TAF12: variants seen among roughly 807,000 people sequenced by gnomAD.
The protein encoded by TAF12 is TATA-box binding protein associated factor 12.
Under a neutral mutation model 20.8 loss-of-function variants are expected in TAF12, and 3 were observed. That is an observed-to-expected ratio of 0.14 (90% CI 0.07 to 0.37). The LOEUF is 0.37. TAF12 is among the 10% of genes least tolerant of loss of function. The pLI is 1.00. For synonymous variants in TAF12, 69 were observed against 70.2 expected, an observed-to-expected ratio of 0.98 and a Z score of 0.09; for missense variants, 131 against 197.9, an observed-to-expected ratio of 0.66 and a Z score of 2.03.
At chr1:28,646,696 ATTTTT>A (rs758006645), upstream of TAF12, among the ~76,000 whole-genome samples, 1 of 124,924 alleles carries the variant, frequency 8.0e-6, no homozygotes, top group Non-Finnish European at 1.7e-5. Flanking sequence ...CACTCGGCCA[ATTTTT>A]TTTTTTTTTT....
At chr1:28,632,912 G>A (rs1448234273) in intron 1 of TAF12, among the ~76,000 whole-genome samples, 2 of 151,942 alleles carry the variant, frequency 1.3e-5, no homozygotes, top group African/African-American at 4.8e-5. Flanking sequence ...TGCCCAAGCT[G>A]GAGTGCAATA....
chr1:28,605,425 A>G lies in TAF12; in HGVS notation c.397T>C (p.Ser133Pro). Residue 133 changes from serine (S) to proline (P), a missense_variant, in exon 5 of 6, where the codon TCT becomes CCT. This residue lies in a region of TAF12 where 60 missense variants were observed against 90.2 expected (regional missense o/e 0.66). Transcript: ENST00000373824. ...TTTTTGTAGGGTCGGATTTCTTCAG[A>G]GCCAAATCCTGGGATCCACATGTTC... Reference protein sequence around the residue: ...QWNMWIPGFGSEEIRPYKKAC... With the variant: ...QWNMWIPGFGPEEIRPYKKAC... 6.2e-7 allele frequency: 1 copy of G among 1,614,038 alleles called. No individual in the cohort carries two copies. Among genetic ancestry groups the G allele is most frequent in the Non-Finnish European group, 8.5e-7 (1 of 1,180,002 alleles).
At chr1:28,613,410 C>T (rs1345935933) in intron 3 of TAF12, 49 bp from the exon 4 acceptor site, 9 of 1,495,968 alleles carry the variant, frequency 6.0e-6, no homozygotes, top group South Asian at 1.2e-5. Context: ...GCAGGGTAGG[C>T]TCCTGTTGCT....
At chr1:28,630,279 C>T (rs1218659440) in intron 1 of TAF12, among the ~76,000 whole-genome samples, 2 of 152,074 alleles carry the variant, frequency 1.3e-5, no homozygotes. Flanking sequence ...AGTTCAGGGC[C>T]AGGTACAGTG....
At chr1:28,645,596 G>A (rs968503786), upstream of TAF12, among the ~76,000 whole-genome samples, 1 of 151,402 alleles carries the variant, frequency 6.6e-6, no homozygotes, top group Non-Finnish European at 1.5e-5. Flanking sequence ...TGCAGTGAGC[G>A]GAGATTGAGC....
Position 28,614,022 on chromosome 1 carries a change from G to A in TAF12, c.247-661C>T, listed in dbSNP as rs371288036. The stretch of plus-strand genomic sequence containing the variant: ...TGGGAGGCTGAGGCAGGTGAATCAC[G>A]AGGTCAAGAGATTGAGACCATCCTG... On this transcript the variant is annotated intron_variant, in intron 3 of 5. Coordinates refer to ENST00000373824, the MANE Select transcript of TAF12 (RefSeq NM_005644.4). 3.0e-4 allele frequency among the ~76,000 whole-genome samples: 45 copies of A among 151,214 alleles called. 1 individual carries two copies. The highest frequency in any genetic ancestry group is 1.8e-3 in the East Asian group (9 of 5,058).
At chr1:28,640,023 A>G (rs549499865) in intron 1 of TAF12, among the ~76,000 whole-genome samples, 12 of 152,216 alleles carry the variant, frequency 7.9e-5, no homozygotes, top group Admixed American at 7.2e-4. Flanking sequence ...TTGTATGTTT[A>G]GTAGAGACGG....
At chr1:28,637,660 G>A (rs773672613) in intron 1 of TAF12, among the ~76,000 whole-genome samples, 11 of 151,858 alleles carry the variant, frequency 7.2e-5, no homozygotes, top group South Asian at 2.1e-4. Flanking sequence ...GCAAGACTCC[G>A]TCTCCAGAAA....
intron 1 of TAF12, among the ~76,000 whole-genome samples, chr1:28,622,615 G>GCT (rs1372176196): frequency 7.2e-5 from 11 of 152,162 alleles, no homozygotes; most frequent in African/African-American, 2.7e-4. Flanking sequence ...AGGGCCGCGT[G>GCT]CAGTAGCTCA....
At chr1:28,608,889 C>T (rs1258658344) in intron 4 of TAF12, among the ~76,000 whole-genome samples, 4 of 151,194 alleles carry the variant, frequency 2.6e-5, no homozygotes, top group Admixed American at 2.6e-4. Flanking sequence ...TGCAGTGAGC[C>T]GAGGTCACAC....
rs552878818 is a variant in TAF12, at chr1:28,638,570, C to T, written c.-85+4422G>A. Among the ~76,000 whole-genome samples, 11 of 151,216 alleles carry T rather than the reference C, an allele frequency of 7.3e-5. No homozygotes were observed. The South Asian group carries it at 8.4e-4, about 12-fold the overall frequency. ...GCGCAATATCGGCTCACTGCAGCCT[C>T]TGCCTCCCGGGTTCCAGCGATTGTC... On this transcript the variant is annotated intron_variant, in intron 1 of 5. Transcript: ENST00000373824.
intron 4 of TAF12, among the ~76,000 whole-genome samples, chr1:28,610,169 G>C (rs1471584656): frequency 6.6e-6 from 1 of 151,650 alleles, no homozygotes; most frequent in African/African-American, 2.4e-5. Context: ...GTAGAGACAG[G>C]GTTTCACCAT....
At chr1:28,640,282 C>A (rs954806773) in intron 1 of TAF12, among the ~76,000 whole-genome samples, 3 of 152,198 alleles carry the variant, frequency 2.0e-5, no homozygotes, top group Admixed American at 2.0e-4. Flanking sequence ...TCAAATGCCA[C>A]AATACATAAG....
intron 1 of TAF12, among the ~76,000 whole-genome samples, chr1:28,633,820 G>A (rs1368929981): frequency 3.3e-5 from 5 of 151,662 alleles, no homozygotes; most frequent in South Asian, 4.2e-4. Context: ...GCTGAGGCAG[G>A]AGAATCGCTA....
At chr1:28,626,842 G>A (rs1336299438) in intron 1 of TAF12, among the ~76,000 whole-genome samples, 2 of 151,792 alleles carry the variant, frequency 1.3e-5, no homozygotes, top group African/African-American at 4.8e-5. Flanking sequence ...CCTGGGAGGC[G>A]GAGGTTGCAG....
At chr1:28,633,051 G>C (rs1348592173) in intron 1 of TAF12, among the ~76,000 whole-genome samples, 3 of 151,312 alleles carry the variant, frequency 2.0e-5, no homozygotes, top group South Asian at 2.1e-4. Context: ...ATTTAGTACA[G>C]ACGGGGTTTC....
chr1:28,604,954 G>C (rs1666615423), intron 5 of TAF12, among the ~76,000 whole-genome samples: 1 of 152,146 alleles, frequency 6.6e-6, no homozygotes. Context: ...CGGCAGCCTG[G>C]ATACTACCTC....
chr1:28,648,249 C>T (rs1668250151), exon 1 of TAF12: 8 of 985,336 alleles, frequency 8.1e-6, no homozygotes, highest in Non-Finnish European at 9.6e-6. Context: ...CGCCTTCTGT[C>T]GTGAGCAGTT....
chr1:28,624,166 G>A (rs147824740), intron 1 of TAF12: 1 of 197,082 alleles, frequency 5.1e-6, no homozygotes, highest in East Asian at 1.9e-4. Context: ...CTTAGTGGGA[G>A]CCAAGACAAA....
Sources: allele counts gnomAD v4.1 joint callset (sites outside exome capture counted in the v4.1 genomes callset), GRCh38; gene constraint gnomAD v4.1.1; regional missense constraint gnomAD v4.1.1; transcripts MANE v1.5; gene names NCBI Gene and HGNC (gene_info 2026-07-23, HGNC 2026-07-21).